The following DCC variants were observed in gnomAD, a reference collection of about 807,000 sequenced individuals.
The protein encoded by DCC is DCC netrin 1 receptor, also known as netrin receptor DCC.
DCC carries 58 observed loss-of-function variants against 172.5 expected under a neutral mutation model. The ratio of observed to expected loss-of-function variants is 0.34; its 90% CI spans 0.27 to 0.42. The LOEUF is 0.42. Among genes scored for constraint, DCC ranks in the 10% least tolerant of loss-of-function variants. The pLI is 1.00. For missense variants in DCC, 1,740 were observed against 1,791.0 expected, an observed-to-expected ratio of 0.97 and a Z score of 0.51; for synonymous variants, 709 against 644.5, an observed-to-expected ratio of 1.10 and a Z score of -1.52.
At chr18:53,290,852 A>T (rs1365883342) in intron 12 of DCC, among the ~76,000 whole-genome samples, 1 of 152,152 alleles carries the variant, frequency 6.6e-6, no homozygotes, top group African/African-American at 2.4e-5. Flanking sequence ...CAATAATTTT[A>T]AAAGTTCTGG....
chr18:52,916,878 A>C (rs2040049079), intron 3 of DCC, among the ~76,000 whole-genome samples: 1 of 152,122 alleles, frequency 6.6e-6, no homozygotes, highest in African/African-American at 2.4e-5. Context: ...TTAAACCAAT[A>C]ATTTTTAAGA....
chr18:53,121,629 AAC>A (rs1266115000), intron 7 of DCC, among the ~76,000 whole-genome samples: 1 of 151,956 alleles, frequency 6.6e-6, no homozygotes, highest in Non-Finnish European at 1.5e-5. Context: ...TGAAAGTCAA[AAC>A]TCTCCTTTGT....
At chr18:52,797,098 A>T (rs571749113) in intron 2 of DCC, among the ~76,000 whole-genome samples, 2 of 151,182 alleles carry the variant, frequency 1.3e-5, no homozygotes, top group African/African-American at 4.8e-5. Context: ...TGATTTCTTC[A>T]GTTCTAGGAC....
chr18:52,861,518 G>A (rs1200618375), intron 2 of DCC, among the ~76,000 whole-genome samples: 1 of 152,150 alleles, frequency 6.6e-6, no homozygotes, highest in African/African-American at 2.4e-5. Flanking sequence ...AAATTTTGGA[G>A]AAATCATGTA....
At chr18:53,011,853 T>C (rs2041735542) in intron 5 of DCC, among the ~76,000 whole-genome samples, 1 of 151,778 alleles carries the variant, frequency 6.6e-6, no homozygotes, top group Non-Finnish European at 1.5e-5. Context: ...ATTCATATTA[T>C]AATGATTATA....
At chr18:52,812,324 C>T (rs146132444) in intron 2 of DCC, among the ~76,000 whole-genome samples, 1 of 151,712 alleles carries the variant, frequency 6.6e-6, no homozygotes. Context: ...AATGTCTATG[C>T]CTTGCTTCTA....
At chr18:52,504,477 C>T (rs530577695) in intron 1 of DCC, among the ~76,000 whole-genome samples, 2 of 152,220 alleles carry the variant, frequency 1.3e-5, no homozygotes, top group African/African-American at 4.8e-5. Context: ...TCACAAAAGA[C>T]TGAACAAGCT....
At chr18:53,459,607 G>A (rs2045526741) in intron 24 of DCC, 149 bp downstream of exon 24, 2 of 678,952 alleles carry the variant, frequency 2.9e-6, no homozygotes, top group Non-Finnish European at 5.4e-6. Context: ...TATAAATTTG[G>A]TTGATTAACC....
chr18:53,486,325 C>A (rs772362677), intron 25 of DCC, among the ~76,000 whole-genome samples: 1 of 151,906 alleles, frequency 6.6e-6, no homozygotes, highest in South Asian at 2.1e-4. Context: ...CACTTTGCTT[C>A]TCTCTCTCTC....
At chr18:52,415,300 G>C (rs1986982503) in intron 1 of DCC, among the ~76,000 whole-genome samples, 1 of 152,022 alleles carries the variant, frequency 6.6e-6, no homozygotes, top group Non-Finnish European at 1.5e-5. Flanking sequence ...ATTTAGTGCG[G>C]CATAGTGCCT....
At chr18:53,529,424 T>C (rs1372425848) in intron 28 of DCC, among the ~76,000 whole-genome samples, 1 of 152,164 alleles carries the variant, frequency 6.6e-6, no homozygotes, top group East Asian at 1.9e-4. Flanking sequence ...TTCAATCATT[T>C]AATCAATGGA....
At chr18:53,280,982 C>A (rs1242073527) in intron 12 of DCC, among the ~76,000 whole-genome samples, 1 of 151,032 alleles carries the variant, frequency 6.6e-6, no homozygotes, top group East Asian at 1.9e-4. Context: ...AGTGTGCAGT[C>A]TTCTCTATGA....
intron 7 of DCC, among the ~76,000 whole-genome samples, chr18:53,116,072 T>C (rs888179660): frequency 7.3e-5 from 11 of 151,622 alleles, no homozygotes; most frequent in Admixed American, 6.6e-5. Context: ...CAATGTTACA[T>C]TTTGCTGACC....
intron 18 of DCC, among the ~76,000 whole-genome samples, chr18:53,397,975 AT>A (rs34550431): frequency 0.42 from 64,338 of 151,798 alleles, 15,412 homozygotes; most frequent in Non-Finnish European, 0.55. Context: ...CCTTTATGCA[AT>A]TTTAAATAGT....
At chr18:53,414,923 ATATGTG>A (rs1910215936) in intron 20 of DCC, among the ~76,000 whole-genome samples, 1 of 152,196 alleles carries the variant, frequency 6.6e-6, no homozygotes, top group Admixed American at 6.5e-5. Context: ...TTTTCATAGA[ATATGTG>A]TATATGTTAT....
Position 52,917,985 on chromosome 18 carries a change from A to G in DCC, c.698-5722A>G, listed in dbSNP as rs201275022. Among the ~76,000 whole-genome samples, 7 of 151,850 alleles carry G rather than the reference A, an allele frequency of 4.6e-5. No homozygotes were observed. In the South Asian group the frequency reaches 1.2e-3, roughly 27 times the overall value. On this transcript the variant is annotated intron_variant, in intron 3 of 28. Coordinates refer to ENST00000442544, the MANE Select transcript of DCC (RefSeq NM_005215.4). ...AAAATTTGACATTAGAAAAAAATCCATTTTTTTCTGCTGGCTTGAATAAAA... is the reference window on the plus strand; with the variant it reads ...AAAATTTGACATTAGAAAAAAATCCGTTTTTTTCTGCTGGCTTGAATAAAA...
intron 1 of DCC, among the ~76,000 whole-genome samples, chr18:52,715,547 T>C (rs12955719): frequency 0.46 from 69,905 of 151,886 alleles, 17,105 homozygotes; most frequent in East Asian, 0.62. Flanking sequence ...TCAAGTCATC[T>C]GCCTGCCTCA....
At chr18:52,773,942 C>G (rs1465543913) in intron 2 of DCC, among the ~76,000 whole-genome samples, 1 of 152,158 alleles carries the variant, frequency 6.6e-6, no homozygotes, top group African/African-American at 2.4e-5. Context: ...GCTGTTGAAG[C>G]TGCAGCCAAC....
rs574748254 is a variant in DCC, at chr18:53,085,112, G to C, written c.1261+18946G>C. 3.3e-5 allele frequency among the ~76,000 whole-genome samples: 5 copies of C among 152,198 alleles called. No individual in the cohort carries two copies. The East Asian group carries it at 9.7e-4, about 29-fold the overall frequency. On this transcript the variant is annotated intron_variant, in intron 7 of 28. Transcript: ENST00000442544. ...GAGAATCCAGCCTCCAGAACAGAAGGAAACAGTCCCCACTGAAAGAACACA... is the reference window on the plus strand; with the variant it reads ...GAGAATCCAGCCTCCAGAACAGAAGCAAACAGTCCCCACTGAAAGAACACA...
Sources: allele counts gnomAD v4.1 joint callset (sites outside exome capture counted in the v4.1 genomes callset), GRCh38; gene constraint gnomAD v4.1.1; transcripts MANE v1.5; gene names NCBI Gene and HGNC (gene_info 2026-07-23, HGNC 2026-07-21).